HSDL1: variants seen among roughly 807,000 people sequenced by gnomAD.
HSDL1 encodes inactive hydroxysteroid dehydrogenase-like protein 1.
In HSDL1, 29 loss-of-function variants were observed where a neutral mutation model predicts 31.5. The ratio of observed to expected loss-of-function variants is 0.92; its 90% CI spans 0.69 to 1.26. The LOEUF (loss-of-function observed/expected upper bound fraction) is 1.26. Ranked by LOEUF, HSDL1 falls within the 50% of genes most tolerant of loss-of-function variation. The probability of loss-of-function intolerance (pLI) is 0.00; values close to 1 mark genes in which losing one functional copy is unlikely to be tolerated. For missense variants in HSDL1, 503 were observed against 416.6 expected, an observed-to-expected ratio of 1.21 and a Z score of -1.81; for synonymous variants, 222 against 155.2, an observed-to-expected ratio of 1.43 and a Z score of -3.20.
intron 1 of HSDL1, among the ~76,000 whole-genome samples, chr16:84,141,052 C>T (rs1264899852): frequency 6.7e-6 from 1 of 149,078 alleles, no homozygotes; most frequent in Non-Finnish European, 1.5e-5. Flanking sequence ...GATCGCGCCA[C>T]AGCACTCCCG....
intron 1 of HSDL1, among the ~76,000 whole-genome samples, chr16:84,141,045 C>G (rs1253606409): frequency 1.3e-5 from 2 of 150,060 alleles, no homozygotes; most frequent in East Asian, 3.9e-4. Flanking sequence ...GAGCGGAGAT[C>G]GCGCCACAGC....
chr16:84,135,148 G>T (rs374562362), intron 2 of HSDL1, among the ~76,000 whole-genome samples: 17 of 151,828 alleles, frequency 1.1e-4, no homozygotes, highest in Admixed American at 1.3e-4. Context: ...CAGGAGAATG[G>T]CATGAACCGG....
chr16:84,134,404 C>T (rs1179879489), intron 2 of HSDL1, among the ~76,000 whole-genome samples: 2 of 152,004 alleles, frequency 1.3e-5, no homozygotes, highest in African/African-American at 4.8e-5. Flanking sequence ...GGGCAGATCA[C>T]TTGAGGTCAG....
chr16:84,135,230 C>T (rs915252441), intron 2 of HSDL1, among the ~76,000 whole-genome samples: 1 of 148,100 alleles, frequency 6.8e-6, no homozygotes, highest in African/African-American at 2.5e-5. Flanking sequence ...GAGACTCCGT[C>T]TCAAAAAAGA....
rs2086569411 is a variant in HSDL1 at position 84,122,962 on chromosome 16, CATA to C, written c.*1665_*1667del. ...GACATTACTGGACCACGTAACCTTA[CATA>C]TAACTACCTGACCATATTTTCACAT... On this transcript the variant is annotated 3_prime_UTR_variant, in exon 6 of 6. Coordinates refer to ENST00000219439, the MANE Select transcript of HSDL1 (RefSeq NM_031463.5). 1 of 152,198 alleles carries C rather than the reference CATA, an allele frequency of 6.6e-6. No individual in the cohort carries two copies. The highest frequency in any genetic ancestry group is 1.5e-5 in the Non-Finnish European group (1 of 68,036). The allele number at this position is 152,198 out of a possible 1,614,324, so 9.4% of individuals were successfully genotyped here. A position where few individuals can be genotyped will look rare whatever the true frequency, so the allele number is the denominator to read the frequency against.
At chr16:84,128,321 C>A (rs1349500926) in intron 5 of HSDL1, among the ~76,000 whole-genome samples, 1 of 151,852 alleles carries the variant, frequency 6.6e-6, no homozygotes, top group Non-Finnish European at 1.5e-5. Context: ...TAGGGCACAT[C>A]TCTTTACTAC....
chr16:84,124,598 G>A lies in HSDL1; in HGVS notation c.*32C>T, dbSNP rs2151183180. On this transcript the variant is annotated 3_prime_UTR_variant, in exon 6 of 6. Coordinates refer to ENST00000219439, the MANE Select transcript of HSDL1 (RefSeq NM_031463.5). ...TGTCAGAATATCGAGGTTCCCAGGAGTTGGCAAAACTTCTCAAGTGGCCAT... is the reference window on the plus strand; with the variant it reads ...TGTCAGAATATCGAGGTTCCCAGGAATTGGCAAAACTTCTCAAGTGGCCAT... 2 of 1,376,380 alleles carry A rather than the reference G, an allele frequency of 1.5e-6. No homozygotes were observed. Among genetic ancestry groups the A allele is most frequent in the Non-Finnish European group, 2.1e-6 (2 of 963,644 alleles). The allele number at this position is 1,376,380 out of a possible 1,614,324, so 85.3% of individuals were successfully genotyped here. A position where few individuals can be genotyped will look rare whatever the true frequency, so the allele number is the denominator to read the frequency against.
At chr16:84,132,524 C>T (rs1044525634) in intron 2 of HSDL1, among the ~76,000 whole-genome samples, 11 of 152,198 alleles carry the variant, frequency 7.2e-5, no homozygotes, top group Non-Finnish European at 1.5e-4. Context: ...AAAAGTCCAA[C>T]ACAACTCTGT....
rs1283162111 is a variant in HSDL1, at chr16:84,130,602, G to A, written c.221-171C>T. On this transcript the variant is annotated intron_variant, in intron 3 of 5. Coordinates refer to ENST00000219439, the MANE Select transcript of HSDL1 (RefSeq NM_031463.5). ...TGTTGCTGAATGAGGAATGTGAAGG[G>A]CGCATGCTATACACTCTCCCAGACA... is the stretch of plus-strand genomic sequence containing the variant. Among the ~76,000 whole-genome samples, 2 of 152,186 alleles carry A rather than the reference G, an allele frequency of 1.3e-5. 1 individual carries two copies. The highest frequency in any genetic ancestry group is 2.9e-5 in the Non-Finnish European group (2 of 68,040).
chr16:84,124,599 T>C lies in HSDL1; in HGVS notation c.*31A>G, dbSNP rs761141859. ...GTCAGAATATCGAGGTTCCCAGGAGTTGGCAAAACTTCTCAAGTGGCCATC... is the reference window on the plus strand; with the variant it reads ...GTCAGAATATCGAGGTTCCCAGGAGCTGGCAAAACTTCTCAAGTGGCCATC... On this transcript the variant is annotated 3_prime_UTR_variant, in exon 6 of 6. Coordinates refer to ENST00000219439, the MANE Select transcript of HSDL1 (RefSeq NM_031463.5). The C allele has an allele frequency of 5.1e-6, 7 of 1,383,894 alleles. No individual in the cohort carries two copies. In the African/African-American group the frequency reaches 7.1e-5, roughly 14 times the overall value. The allele number at this position is 1,383,894 out of a possible 1,614,324, so 85.7% of individuals were successfully genotyped here. A position where few individuals can be genotyped will look rare whatever the true frequency, so the allele number is the denominator to read the frequency against.
chr16:84,129,919 G>T, intron 4 of HSDL1, 67 bp downstream of exon 4: 1 of 1,523,982 alleles, frequency 6.6e-7, no homozygotes, highest in Non-Finnish European at 8.9e-7. Flanking sequence ...CAACAAATCA[G>T]ACCAAACAAC....
rs1322534145 is a variant in HSDL1 at position 84,129,646 on chromosome 16, A to C, written c.796T>G (p.Ser266Ala). Residue 266 changes from serine (S) to alanine (A), a missense_variant, in exon 5 of 6, where the codon TCG becomes GCG. By Grantham distance (99) the Ser-to-Ala change is moderately conservative. Coordinates refer to ENST00000219439, the MANE Select transcript of HSDL1 (RefSeq NM_031463.5). Reference sequence around the variant, plus strand: ...ACTTTTGGCGAAGGCACCAACCACGAGCACCTGTGCAGAAAGTTGCTGGGT... The same window carrying C: ...ACTTTTGGCGAAGGCACCAACCACGCGCACCTGTGCAGAAAGTTGCTGGGT... ...TAPSNFLHRC[S>A]WLVPSPKVYA... 7 of 1,614,194 alleles carry C rather than the reference A, an allele frequency of 4.3e-6. No homozygotes were observed. Among genetic ancestry groups the C allele is most frequent in the Non-Finnish European group, 5.9e-6 (7 of 1,180,044 alleles).
chr16:84,141,556 T>G (rs1227447533), intron 1 of HSDL1, among the ~76,000 whole-genome samples: 1 of 152,248 alleles, frequency 6.6e-6, no homozygotes, highest in African/African-American at 2.4e-5. Flanking sequence ...GTTTAACTGC[T>G]GGTCCACATG....
chr16:84,142,080 C>G (rs1203281465), intron 1 of HSDL1, among the ~76,000 whole-genome samples: 1 of 152,072 alleles, frequency 6.6e-6, no homozygotes, highest in African/African-American at 2.4e-5. Flanking sequence ...GCATGTACCA[C>G]CAAGCCCAGT....
In HSDL1 at chr16:84,126,760, T is replaced by C. The variant is rs139193108; in HGVS notation, c.895-2032A>G. Among the ~76,000 whole-genome samples the C allele has an allele frequency of 2.1e-3, 317 of 152,184 alleles. 2 individuals are homozygous for C. Among genetic ancestry groups the C allele is most frequent in the African/African-American group, 7.4e-3 (308 of 41,526 alleles). ...CCCACACACACACACACTCACGCAC[T>C]TTGTGAACAAAATCACAGCAGCAAA... On this transcript the variant is annotated intron_variant, in intron 5 of 5. Coordinates refer to ENST00000219439, the MANE Select transcript of HSDL1 (RefSeq NM_031463.5).
At chr16:84,142,607 TG>T (rs1567525789) in intron 1 of HSDL1, among the ~76,000 whole-genome samples, 1 of 151,932 alleles carries the variant, frequency 6.6e-6, no homozygotes, top group Non-Finnish European at 1.5e-5. Flanking sequence ...GGCTAATTTT[TG>T]TATTTTTTTC....
intron 1 of HSDL1, among the ~76,000 whole-genome samples, chr16:84,144,834 G>A (rs1332872475): frequency 2.0e-5 from 3 of 151,576 alleles, no homozygotes; most frequent in Non-Finnish European, 4.4e-5. Flanking sequence ...AGATGTGAAG[G>A]GGCGGGGCTG....
intron 5 of HSDL1, among the ~76,000 whole-genome samples, chr16:84,126,620 T>C (rs574436670): frequency 5.0e-4 from 76 of 152,326 alleles, no homozygotes; most frequent in Admixed American, 9.8e-4. Context: ...AGACAGGCCC[T>C]TGGCAAGTAC....
intron 1 of HSDL1, chr16:84,144,311 T>C (rs12927063): frequency 0.22 from 33,703 of 152,088 alleles, 4,000 homozygotes; most frequent in Non-Finnish European, 0.27. Context: ...GATGGAGGTA[T>C]AGCAAGGCGC....
Sources: allele counts gnomAD v4.1 joint callset (sites outside exome capture counted in the v4.1 genomes callset), GRCh38; gene constraint gnomAD v4.1.1; transcripts MANE v1.5; gene names NCBI Gene and HGNC (gene_info 2026-07-23, HGNC 2026-07-21).